Variants in AGK observed in about 807,000 individuals in gnomAD.
The protein encoded by AGK is acylglycerol kinase, also known as acylglycerol kinase, mitochondrial.
In AGK, 52 loss-of-function variants were observed where a neutral mutation model predicts 66.4. That is an observed-to-expected ratio of 0.78 (90% CI 0.63 to 0.99). AGK has a LOEUF of 0.99. Among genes scored for constraint, AGK ranks in the 50% least tolerant of loss-of-function variants. The pLI is 0.00. For synonymous variants in AGK, 182 were observed against 181.1 expected (o/e 1.00, Z -0.04); for missense variants, 451 against 506.6 (o/e 0.89, Z 1.05).
intron 2 of AGK, among the ~76,000 whole-genome samples, chr7:141,586,626 G>T (rs927222481): frequency 2.0e-5 from 3 of 152,158 alleles, no homozygotes; most frequent in Admixed American, 2.0e-4. Context: ...GGCATGGGTT[G>T]TATTGTGCTT....
Position 141,615,556 on chromosome 7 carries a change from A to T in AGK, c.509A>T (p.Asn170Ile). ...LSHTLFAESG[N>I]KVQHITDATL... ...CATACCCTCTTTGCCGAAAGTGGAA[A>T]CAAAGTCCAGTAGGTTGTCAATGTG... The change falls in exon 8 of 16, where the codon AAC (asparagine) becomes ATC (isoleucine). Residue 170 changes from asparagine (N) to isoleucine (I), a missense_variant. By Grantham distance (149) the Asn-to-Ile change is moderately radical. Coordinates refer to ENST00000649286, the MANE Select transcript of AGK (RefSeq NM_018238.4). 6.2e-7 allele frequency: 1 copy of T among 1,613,382 alleles called. No individual in the cohort carries two copies. The highest frequency in any genetic ancestry group is 8.5e-7 in the Non-Finnish European group (1 of 1,179,354).
At chr7:141,650,512 G>T (rs937508258) in intron 14 of AGK, 1 of 985,324 alleles carries the variant, frequency 1.0e-6, no homozygotes, top group African/African-American at 1.7e-5. Flanking sequence ...CTGGATATCT[G>T]AAGAGAACAT....
intron 9 of AGK, among the ~76,000 whole-genome samples, chr7:141,633,617 C>CA (rs1797106438): frequency 6.6e-6 from 1 of 152,112 alleles, no homozygotes; most frequent in Admixed American, 6.5e-5. Flanking sequence ...CGAGAGGTAA[C>CA]ATAGTTAGGT....
intron 9 of AGK, among the ~76,000 whole-genome samples, chr7:141,623,860 C>T (rs1323398700): frequency 6.6e-6 from 1 of 152,128 alleles, no homozygotes; most frequent in Middle Eastern, 3.2e-3. Context: ...CAGGCTGACT[C>T]TCATGTTAAA....
chr7:141,647,343 A>T (rs1464214516), intron 13 of AGK, among the ~76,000 whole-genome samples: 1 of 152,110 alleles, frequency 6.6e-6, no homozygotes, highest in Non-Finnish European at 1.5e-5. Context: ...GCCATGGTCT[A>T]TGAGGCTCTG....
chr7:141,588,130 A>G lies in AGK; in HGVS notation c.102-5016A>G, dbSNP rs1796031396. On this transcript the variant is annotated intron_variant, in intron 2 of 15. Transcript: ENST00000649286. Reference sequence around the variant, plus strand: ...AAATTTAAATTAGATGAGACTATGCAATTTAAAAAATGTGCTATAAAACAT... The same window carrying G: ...AAATTTAAATTAGATGAGACTATGCGATTTAAAAAATGTGCTATAAAACAT... Among the ~76,000 whole-genome samples, 4 of 152,228 alleles carry G rather than the reference A, an allele frequency of 2.6e-5. No homozygotes were observed. The South Asian group carries it at 6.2e-4, about 24-fold the overall frequency.
At chr7:141,578,508 C>T (rs929216999) in intron 2 of AGK, among the ~76,000 whole-genome samples, 6 of 151,652 alleles carry the variant, frequency 4.0e-5, no homozygotes, top group African/African-American at 7.3e-5. Flanking sequence ...AGAAAAATAA[C>T]ATAAAATAGT....
In AGK at chr7:141,616,709, T is replaced by G. The variant is rs1482078091; in HGVS notation, c.518+1144T>G. 2.0e-5 allele frequency among the ~76,000 whole-genome samples: 3 copies of G among 152,172 alleles called. 1 individual carries two copies. The highest frequency in any genetic ancestry group is 7.2e-5 in the African/African-American group (3 of 41,544). ...CTATTCATTAGCCATCCTGAGGGCC[T>G]AACTACAGGAGAGGCCATTTCAGTT... On this transcript the variant is annotated intron_variant, in intron 8 of 15. Coordinates refer to ENST00000649286, the MANE Select transcript of AGK (RefSeq NM_018238.4).
intron 9 of AGK, among the ~76,000 whole-genome samples, chr7:141,633,273 GGTAGA>G (rs1483262889): frequency 1.3e-5 from 2 of 152,006 alleles, no homozygotes; most frequent in African/African-American, 4.8e-5. Context: ...GAAGGTTCAG[GGTAGA>G]GTATAAACTC....
At chr7:141,560,795 C>CTTTTTTTTTTTTTT in intron 2 of AGK, among the ~76,000 whole-genome samples, 1 of 124,012 alleles carries the variant, frequency 8.1e-6, no homozygotes, top group Non-Finnish European at 1.7e-5. Flanking sequence ...GCCATTCTTT[C>CTTTTTTTTTTTTTT]TTTTTTTTTT....
chr7:141,632,538 A>T (rs556216380), intron 9 of AGK, among the ~76,000 whole-genome samples: 1 of 152,184 alleles, frequency 6.6e-6, no homozygotes, highest in African/African-American at 2.4e-5. Flanking sequence ...TGTGGAGAGC[A>T]TCCAGGCTTG....
intron 9 of AGK, among the ~76,000 whole-genome samples, chr7:141,624,807 C>G (rs1796901187): frequency 6.6e-6 from 1 of 152,184 alleles, no homozygotes; most frequent in African/African-American, 2.4e-5. Flanking sequence ...GTTGACAAAG[C>G]ATTGGCAGGG....
At chr7:141,637,566 A>G (rs1797200643) in intron 11 of AGK, among the ~76,000 whole-genome samples, 1 of 152,172 alleles carries the variant, frequency 6.6e-6, no homozygotes, top group African/African-American at 2.4e-5. Context: ...ACTGGCATAG[A>G]GAAAAGCCTA....
chr7:141,587,358 C>G (rs1267852336), intron 2 of AGK, among the ~76,000 whole-genome samples: 1 of 152,188 alleles, frequency 6.6e-6, no homozygotes, highest in Non-Finnish European at 1.5e-5. Context: ...GCCTTCTTCA[C>G]ACACTGCAGC....
At chr7:141,608,702 T>C (rs888411058) in intron 5 of AGK, among the ~76,000 whole-genome samples, 5 of 152,220 alleles carry the variant, frequency 3.3e-5, no homozygotes, top group Non-Finnish European at 7.3e-5. Context: ...ATTTTGGACA[T>C]AGATATTCAG....
chr7:141,562,990 C>G (rs576678526), intron 2 of AGK, among the ~76,000 whole-genome samples: 18 of 152,308 alleles, frequency 1.2e-4, no homozygotes, highest in Admixed American at 1.1e-3. Flanking sequence ...AAATCCTTCT[C>G]CTATGATCTG....
rs1797114845 is a variant in AGK, at chr7:141,633,960, T to C, written c.648T>C (p.Asp216=). 1.9e-6 allele frequency: 3 copies of C among 1,613,952 alleles called. No homozygotes were observed. The highest frequency in any genetic ancestry group is 2.2e-5 in the East Asian group (1 of 44,892). ...GCCTTCGATGGGGATCTTTCAGAGATGCTGGCGTCAAAGTTAGCAAGTAAA... is the reference window on the plus strand; with the variant it reads ...GCCTTCGATGGGGATCTTTCAGAGACGCTGGCGTCAAAGTTAGCAAGTAAA... ...MTGLRWGSFR[D]AGVKVSKYWY... The change falls in exon 10 of 16, where the codon GAT becomes GAC. Residue 216 remains aspartate, a synonymous_variant. Transcript: ENST00000649286.
Position 141,641,824 on chromosome 7 carries a change from G to T in AGK, c.891G>T (p.Glu297Asp). ...GGATTCCCACAGCCCTTTCCCAAGA[G>T]GTGAGCCCGGAGGTCTGGAAAGATG... ...WAQPQDALSQ[E>D]VSPEVWKDVQ... The change falls in exon 13 of 16, where the codon GAG (glutamate) becomes GAT (aspartate). Residue 297 changes from glutamate (E) to aspartate (D), a missense_variant. Glu to Asp is a conservative substitution (Grantham distance 45). Coordinates refer to ENST00000649286, the MANE Select transcript of AGK (RefSeq NM_018238.4). 6.3e-7 allele frequency: 1 copy of T among 1,578,644 alleles called. No homozygotes were observed.
intron 1 of AGK, among the ~76,000 whole-genome samples, chr7:141,553,731 G>C (rs146501272): frequency 3.9e-5 from 6 of 152,286 alleles, no homozygotes; most frequent in Non-Finnish European, 8.8e-5. Context: ...CAGCCTGACG[G>C]TGTATGGGAT....
Sources: allele counts gnomAD v4.1 joint callset (sites outside exome capture counted in the v4.1 genomes callset), GRCh38; gene constraint gnomAD v4.1.1; transcripts MANE v1.5; gene names NCBI Gene and HGNC (gene_info 2026-07-23, HGNC 2026-07-21).